The following DMD variants were observed in gnomAD, a reference collection of about 807,000 sequenced individuals.
DMD encodes dystrophin, also known as mutant dystrophin.
Under a neutral mutation model 330.1 loss-of-function variants are expected in DMD, and 63 were observed. That is an observed-to-expected ratio of 0.19 (90% CI 0.16 to 0.24). The LOEUF (loss-of-function observed/expected upper bound fraction) is 0.24. Ranked by LOEUF, DMD falls within the 10% of genes least tolerant of loss-of-function variation. DMD has a pLI of 1.00. For synonymous variants in DMD, 1,223 were observed against 959.8 expected, an observed-to-expected ratio of 1.27 and a Z score of -5.07; for missense variants, 3,344 against 2,684.1, an observed-to-expected ratio of 1.25 and a Z score of -5.43.
At chrX:32,985,243 ATATTT>A (rs150594652) in intron 2 of DMD, among the ~76,000 whole-genome samples, 3,501 of 112,075 alleles carry the variant, frequency 0.031, 97 homozygotes, top group East Asian at 0.17. Context: ...TAGAATATAG[ATATTT>A]TAATTTAGAT....
rs867555824 is a variant in DMD, at chrX:32,600,623, C to A, written c.1483-4747G>T. On this transcript the variant is annotated intron_variant, in intron 12 of 78. Transcript: ENST00000357033. ...GCACACACACACACACACACACACA[C>A]AAAACACACCCCTAGAAACAACACA... Among the ~76,000 whole-genome samples, 4 of 105,754 alleles carry A rather than the reference C, an allele frequency of 3.8e-5. No homozygotes were observed. In the East Asian group the frequency reaches 8.9e-4, roughly 24 times the overall value. 91.8% of individuals were successfully genotyped at this position (105,754 alleles called of 115,157 possible). A position where few individuals can be genotyped will look rare whatever the true frequency, so the allele number is the denominator to read the frequency against.
chrX:32,921,414 T>C (rs2088384227), intron 2 of DMD, among the ~76,000 whole-genome samples: 2 of 111,967 alleles, frequency 1.8e-5, no homozygotes, highest in African/African-American at 3.2e-5. Flanking sequence ...CTAAAAGACA[T>C]AGTTTCATAG....
intron 2 of DMD, among the ~76,000 whole-genome samples, chrX:33,003,159 G>A (rs1028536868): frequency 4.5e-5 from 5 of 110,239 alleles, no homozygotes; most frequent in Non-Finnish European, 3.8e-5. Context: ...CCTTCCCCCT[G>A]CTCTGAGTCC....
At chrX:33,297,205 TTAAG>T (rs1206161803) in intron 1 of DMD, among the ~76,000 whole-genome samples, 1 of 111,813 alleles carries the variant, frequency 8.9e-6, no homozygotes, top group Non-Finnish European at 1.9e-5. Flanking sequence ...CCAAAAATAT[TTAAG>T]TAAAAGAACA....
chrX:31,320,552 T>G (rs2056338179), intron 62 of DMD, among the ~76,000 whole-genome samples: 1 of 111,852 alleles, frequency 8.9e-6, no homozygotes, highest in Admixed American at 9.4e-5. Context: ...TTGTTCTTTT[T>G]AGACCAAGAC....
At chrX:31,765,835 T>C (rs1045516748) in intron 51 of DMD, among the ~76,000 whole-genome samples, 1 of 111,409 alleles carries the variant, frequency 9.0e-6, no homozygotes, top group African/African-American at 3.3e-5. Context: ...TCTATTCTCC[T>C]TTCTTAATAG....
chrX:31,982,316 C>A (rs2095480785), intron 44 of DMD, among the ~76,000 whole-genome samples: 1 of 111,507 alleles, frequency 9.0e-6, no homozygotes, highest in African/African-American at 3.3e-5. Flanking sequence ...GGTCCTCTGG[C>A]AAATAATGGA....
At chrX:32,634,425 A>G (rs1287155652) in intron 11 of DMD, among the ~76,000 whole-genome samples, 1 of 112,002 alleles carries the variant, frequency 8.9e-6, no homozygotes, top group Non-Finnish European at 1.9e-5. Flanking sequence ...TAGCCACCAC[A>G]GCTGGGAATG....
At chrX:32,744,268 T>TA (rs1223504438) in intron 7 of DMD, among the ~76,000 whole-genome samples, 3 of 110,337 alleles carry the variant, frequency 2.7e-5, no homozygotes, top group Non-Finnish European at 5.7e-5. Context: ...CCAAATCTAA[T>TA]AAACTATTTT....
chrX:32,289,890 C>A (rs930922783), intron 42 of DMD, among the ~76,000 whole-genome samples: 4 of 111,887 alleles, frequency 3.6e-5, no homozygotes, highest in African/African-American at 1.3e-4. Flanking sequence ...AGTCAAGCAG[C>A]CCATGCCACT....
chrX:31,791,340 CA>C (rs772448670), intron 50 of DMD, among the ~76,000 whole-genome samples: 62 of 111,757 alleles, frequency 5.5e-4, no homozygotes, highest in African/African-American at 1.8e-3. Flanking sequence ...AGTACTCTCG[CA>C]TTCCAAAGTG....
chrX:31,507,231 T>A (rs2071036945), intron 56 of DMD, 50 bp downstream of exon 56: 1 of 1,168,200 alleles, frequency 8.6e-7, no homozygotes, highest in Non-Finnish European at 1.2e-6. Context: ...TGAGGAAAAT[T>A]TGGCCATTTT....
intron 71 of DMD, 29 bp downstream of exon 71, chrX:31,177,903 C>A: frequency 8.6e-7 from 1 of 1,167,156 alleles, no homozygotes. Flanking sequence ...TTGGTGGTAG[C>A]AGCACCCTTC....
chrX:31,411,467 G>T (rs752688670), intron 60 of DMD, among the ~76,000 whole-genome samples: 1 of 111,758 alleles, frequency 8.9e-6, no homozygotes, highest in Admixed American at 9.5e-5. Flanking sequence ...CGATTACTAC[G>T]GCAACAAAAG....
chrX:32,983,760 G>A (rs1393014338), intron 2 of DMD, among the ~76,000 whole-genome samples: 2 of 111,216 alleles, frequency 1.8e-5, no homozygotes, highest in African/African-American at 3.3e-5. Context: ...TCCATAAAAT[G>A]TCAATTTTTT....
At chrX:32,064,245 A>T (rs1244618705) in intron 44 of DMD, among the ~76,000 whole-genome samples, 3 of 111,528 alleles carry the variant, frequency 2.7e-5, no homozygotes, top group Non-Finnish European at 5.7e-5. Context: ...TGGAGAAATT[A>T]TGCATAAATG....
At chrX:31,527,345 T>C (rs938102625) in intron 55 of DMD, among the ~76,000 whole-genome samples, 3 of 111,880 alleles carry the variant, frequency 2.7e-5, no homozygotes, top group Non-Finnish European at 5.6e-5. Flanking sequence ...AATTAAAAAC[T>C]GTATTTGCCA....
At chrX:31,145,776 C>T (rs2036615786) in intron 76 of DMD, among the ~76,000 whole-genome samples, 1 of 109,192 alleles carries the variant, frequency 9.2e-6, no homozygotes, top group African/African-American at 3.4e-5. Flanking sequence ...GATTCTCCTG[C>T]CTCATCCTCC....
intron 2 of DMD, among the ~76,000 whole-genome samples, chrX:32,890,091 T>C (rs1198182290): frequency 4.5e-5 from 5 of 111,802 alleles, no homozygotes; most frequent in Admixed American, 3.8e-4. Flanking sequence ...CTAAGAATCA[T>C]TGTCCAGCAC....
Sources: allele counts gnomAD v4.1 joint callset (sites outside exome capture counted in the v4.1 genomes callset), GRCh38; gene constraint gnomAD v4.1.1; transcripts MANE v1.5; gene names NCBI Gene and HGNC (gene_info 2026-07-23, HGNC 2026-07-21).